Variants in GRID1 observed in about 807,000 individuals in gnomAD.
GRID1 encodes the protein glutamate receptor ionotropic, delta-1.
Under a neutral mutation model 98.0 loss-of-function variants are expected in GRID1, and 28 were observed. The observed-to-expected ratio is 0.29, with a 90% CI of 0.21 to 0.39. The LOEUF (loss-of-function observed/expected upper bound fraction) is 0.39, where lower values mean the gene tolerates loss of function less well. GRID1 is among the 10% of genes least tolerant of loss of function. GRID1 has a pLI of 1.00. For synonymous variants in GRID1, 553 were observed against 538.5 expected (o/e 1.03, Z -0.37); for missense variants, 1,111 against 1,340.5 (o/e 0.83, Z 2.67).
chr10:86,259,183 T>C (rs2132053863), intron 2 of GRID1, among the ~76,000 whole-genome samples: 1 of 152,354 alleles, frequency 6.6e-6, no homozygotes, highest in Admixed American at 6.5e-5. Context: ...ATGAAGCTGT[T>C]TCCTTTGACG....
rs969738639 is a variant in GRID1 at position 86,366,044 on chromosome 10, C to G, written c.79+270G>C. On this transcript the variant is annotated intron_variant, in intron 1 of 15. Coordinates refer to ENST00000327946, the MANE Select transcript of GRID1 (RefSeq NM_017551.3). This position sits in a 1 kb window ranked among gnomAD's most constrained non-coding sequence, Gnocchi z 4.1. The stretch of plus-strand genomic sequence containing the variant: ...GGCGCGGGTCTCGACGCGCGTCCAT[C>G]CCGGTGTTCCCCGAAGCGTCGGCCC... Among the ~76,000 whole-genome samples, 91 of 152,086 alleles carry G rather than the reference C, an allele frequency of 6.0e-4. No homozygotes were observed. Among genetic ancestry groups the G allele is most frequent in the Non-Finnish European group, 1.2e-3 (79 of 67,980 alleles).
chr10:85,865,194 G>A (rs1486902839), intron 6 of GRID1, among the ~76,000 whole-genome samples: 16 of 152,214 alleles, frequency 1.1e-4, no homozygotes, highest in Admixed American at 5.2e-4. Context: ...ATAAGACAGT[G>A]CTTTGTGGGG....
rs1393202412 is a variant in GRID1 at position 86,014,107 on chromosome 10, T to C, written c.727-97868A>G. Among the ~76,000 whole-genome samples, 3 of 152,200 alleles carry C rather than the reference T, an allele frequency of 2.0e-5. No homozygotes were observed. In the East Asian group the frequency reaches 5.8e-4, roughly 29 times the overall value. ...CAGATAAAGGGTAAGCTCTCTACTT[T>C]TTCCAGGCTACAGGACAGAGGCTCT... On this transcript the variant is annotated intron_variant, in intron 4 of 15. Transcript: ENST00000327946.
At chr10:86,241,885 A>G (rs1846642311) in intron 2 of GRID1, among the ~76,000 whole-genome samples, 1 of 152,196 alleles carries the variant, frequency 6.6e-6, no homozygotes, top group Non-Finnish European at 1.5e-5. Flanking sequence ...GCTGAGCTCA[A>G]CAGACCCTCA....
intron 3 of GRID1, among the ~76,000 whole-genome samples, chr10:86,146,601 C>T (rs1845092769): frequency 6.6e-6 from 1 of 152,226 alleles, no homozygotes; most frequent in Admixed American, 6.5e-5. Context: ...ACACCTCACA[C>T]CTCAGCTTCT....
chr10:85,893,912 T>G (rs182308018), intron 5 of GRID1, among the ~76,000 whole-genome samples: 16 of 151,236 alleles, frequency 1.1e-4, no homozygotes, highest in African/African-American at 3.9e-4. Flanking sequence ...AACTTCAGAG[T>G]GAATTCCTCT....
At chr10:86,341,296 G>A in intron 2 of GRID1, among the ~76,000 whole-genome samples, 1 of 152,110 alleles carries the variant, frequency 6.6e-6, no homozygotes, top group East Asian at 1.9e-4. Flanking sequence ...CCACCGACAG[G>A]GAGCTCTGGA....
chr10:86,021,431 C>T (rs1035732380), intron 4 of GRID1, among the ~76,000 whole-genome samples: 1 of 152,088 alleles, frequency 6.6e-6, no homozygotes, highest in African/African-American at 2.4e-5. Flanking sequence ...ATTGATGACA[C>T]CCTGAGATGT....
In GRID1 at chr10:86,346,637, C is replaced by A. The variant is rs150535436; in HGVS notation, c.235+17304G>T. ...CGCTGCCCAGGAGGCAGGAGCCAGG[C>A]CTTTGCTGATAAGGCAGCCACCTCC... On this transcript the variant is annotated intron_variant, in intron 2 of 15. Transcript: ENST00000327946. Among the ~76,000 whole-genome samples the A allele has an allele frequency of 1.3e-4, 20 of 152,338 alleles. 1 individual carries two copies. The South Asian group carries it at 3.3e-3, about 25-fold the overall frequency.
At chr10:86,138,792 C>A (rs1421171655) in intron 4 of GRID1, 27 bp downstream of exon 4, 2 of 1,590,452 alleles carry the variant, frequency 1.3e-6, no homozygotes, top group Non-Finnish European at 1.7e-6. Context: ...CACCAGGCCC[C>A]TGAGGCCTCA....
At chr10:86,212,043 C>A (rs1458952062) in intron 2 of GRID1, among the ~76,000 whole-genome samples, 1 of 152,224 alleles carries the variant, frequency 6.6e-6, no homozygotes, top group African/African-American at 2.4e-5. Flanking sequence ...AAGGTGCCCT[C>A]AGACATTGAG....
At chr10:85,665,963 G>A (rs1841015358) in intron 12 of GRID1, among the ~76,000 whole-genome samples, 1 of 152,078 alleles carries the variant, frequency 6.6e-6, no homozygotes, top group South Asian at 2.1e-4. Flanking sequence ...AGTGTGCACA[G>A]CTTGCACAGC....
intron 4 of GRID1, among the ~76,000 whole-genome samples, chr10:85,951,604 G>A (rs904670078): frequency 6.6e-6 from 1 of 152,160 alleles, no homozygotes; most frequent in Non-Finnish European, 1.5e-5. Flanking sequence ...GCCTTATGAA[G>A]TTTCATTGCA....
chr10:85,682,614 A>G (rs992417485), intron 12 of GRID1, among the ~76,000 whole-genome samples: 10 of 152,220 alleles, frequency 6.6e-5, no homozygotes, highest in African/African-American at 2.4e-4. Flanking sequence ...CCACCTCCCT[A>G]TAAACACAGA....
At chr10:85,933,448 C>T (rs958839873) in intron 4 of GRID1, among the ~76,000 whole-genome samples, 22 of 152,054 alleles carry the variant, frequency 1.4e-4, no homozygotes, top group Non-Finnish European at 2.6e-4. Context: ...CAATATACTA[C>T]CTAATATCAG....
intron 8 of GRID1, among the ~76,000 whole-genome samples, chr10:85,813,026 G>A (rs1404871463): frequency 6.6e-6 from 1 of 151,516 alleles, no homozygotes; most frequent in Non-Finnish European, 1.5e-5. Context: ...TAGAACAATA[G>A]AAACAATTCA....
At chr10:86,287,402 A>G (rs1362658060) in intron 2 of GRID1, among the ~76,000 whole-genome samples, 2 of 152,220 alleles carry the variant, frequency 1.3e-5, no homozygotes, top group Non-Finnish European at 2.9e-5. Context: ...GTAACGCACC[A>G]CTTAACTAAA....
intron 3 of GRID1, among the ~76,000 whole-genome samples, chr10:86,205,773 T>C (rs1737989045): frequency 6.6e-6 from 1 of 152,220 alleles, no homozygotes; most frequent in African/African-American, 2.4e-5. Flanking sequence ...AAGCCCATTT[T>C]TGTGGTTTCC....
intron 3 of GRID1, among the ~76,000 whole-genome samples, chr10:86,162,065 G>T (rs529760950): frequency 6.6e-6 from 1 of 152,264 alleles, no homozygotes; most frequent in East Asian, 1.9e-4. Context: ...CCAGTGGTAG[G>T]GCAGTGGCAG....
Sources: allele counts gnomAD v4.1 joint callset (sites outside exome capture counted in the v4.1 genomes callset), GRCh38; gene constraint gnomAD v4.1.1; non-coding constraint Gnocchi (gnomAD v3.1); transcripts MANE v1.5; gene names NCBI Gene and HGNC (gene_info 2026-07-23, HGNC 2026-07-21).